The following PRMT3 variants were observed in gnomAD, a reference collection of about 807,000 sequenced individuals.
PRMT3 encodes the protein protein arginine N-methyltransferase 3.
PRMT3 carries 62 observed loss-of-function variants against 71.9 expected under a neutral mutation model. The observed-to-expected ratio is 0.86, with a 90% CI of 0.70 to 1.07. The LOEUF (loss-of-function observed/expected upper bound fraction) is 1.07, where lower values mean the gene tolerates loss of function less well. Ranked by LOEUF, PRMT3 falls within the 50% of genes least tolerant of loss-of-function variation. PRMT3 has a pLI of 0.00. For missense variants in PRMT3, 663 were observed against 643.0 expected (o/e 1.03, Z -0.34); for synonymous variants, 213 against 220.4 (o/e 0.97, Z 0.30).
chr11:20,416,639 G>T (rs1190749643), intron 9 of PRMT3, among the ~76,000 whole-genome samples: 1 of 152,074 alleles, frequency 6.6e-6, no homozygotes, highest in Non-Finnish European at 1.5e-5. Flanking sequence ...GATTCCAGAT[G>T]ACTATTTTTA....
intron 13 of PRMT3, among the ~76,000 whole-genome samples, chr11:20,487,809 T>C (rs1211146475): frequency 6.6e-6 from 1 of 152,228 alleles, no homozygotes. Flanking sequence ...TTACAGACTC[T>C]GAAGATGATT....
Position 20,395,840 on chromosome 11 carries a change from C to T in PRMT3, c.438C>T (p.Phe146=). The T allele has an allele frequency of 6.2e-7, 1 of 1,613,880 alleles. No homozygotes were observed. Among genetic ancestry groups the T allele is most frequent in the Admixed American group, 1.7e-5 (1 of 60,004 alleles). ...EDLYEPVSVP[F]SYPNGLSENT... ...TTTATGAACCGGTGTCAGTACCCTT[C>T]TCATACCCCAATGGACTCAGTGAAA... The change falls in exon 6 of 16, where the codon TTC becomes TTT. Residue 146 remains phenylalanine, a synonymous_variant. Coordinates refer to ENST00000331079, the MANE Select transcript of PRMT3 (RefSeq NM_005788.4).
chr11:20,505,069 A>G (rs377188339), intron 15 of PRMT3, among the ~76,000 whole-genome samples: 5 of 152,176 alleles, frequency 3.3e-5, no homozygotes, highest in East Asian at 3.9e-4. Flanking sequence ...GTAGTATTAT[A>G]TAAATTCTTC....
At chr11:20,389,668 AG>A in intron 2 of PRMT3, 75 bp from the exon 3 acceptor site, 2 of 846,288 alleles carry the variant, frequency 2.4e-6, no homozygotes, top group Non-Finnish European at 3.6e-6. Context: ...AAAAAAAAAA[AG>A]TGTATATGTA....
intron 7 of PRMT3, among the ~76,000 whole-genome samples, chr11:20,399,824 C>T (rs1848910632): frequency 6.6e-6 from 1 of 152,156 alleles, no homozygotes. Context: ...TAACTCCTTT[C>T]AATGTACATA....
At chr11:20,496,259 AAAC>A (rs1851329460) in intron 15 of PRMT3, among the ~76,000 whole-genome samples, 1 of 152,122 alleles carries the variant, frequency 6.6e-6, no homozygotes. Context: ...TTTCTATCAA[AAAC>A]AACATTGAAG....
At chr11:20,451,111 G>A (rs746088490) in intron 10 of PRMT3, among the ~76,000 whole-genome samples, 1 of 152,098 alleles carries the variant, frequency 6.6e-6, no homozygotes, top group African/African-American at 2.4e-5. Flanking sequence ...AAACTGTGAA[G>A]CACAGTATTG....
rs1850391827 is a variant in PRMT3, at chr11:20,461,913, T to C, written c.1073-67T>C. 5.2e-6 allele frequency: 7 copies of C among 1,334,772 alleles called. No homozygotes were observed. In the South Asian group the frequency reaches 1.4e-4, roughly 27 times the overall value. 82.7% of individuals were successfully genotyped at this position (1,334,772 alleles called of 1,614,324 possible). A position where few individuals can be genotyped will look rare whatever the true frequency, so the allele number is the denominator to read the frequency against. On this transcript the variant is annotated intron_variant, in intron 11 of 15. Transcript: ENST00000331079. ...ATGGATTTGATATTTATATTTAGGC[T>C]TTAAAAAATTATATTCCATAAGAAA... is the stretch of plus-strand genomic sequence containing the variant.
At chr11:20,403,293 T>C (rs545436432) in intron 8 of PRMT3, among the ~76,000 whole-genome samples, 3 of 152,346 alleles carry the variant, frequency 2.0e-5, no homozygotes, top group East Asian at 3.9e-4. Flanking sequence ...TTTACAGTTA[T>C]TCCCATGAAT....
At chr11:20,454,914 C>T (rs1850234169) in intron 11 of PRMT3, among the ~76,000 whole-genome samples, 1 of 152,078 alleles carries the variant, frequency 6.6e-6, no homozygotes, top group African/African-American at 2.4e-5. Context: ...GGATGTTCAT[C>T]TACCCCATTA....
At chr11:20,484,031 A>G (rs1851011233) in intron 13 of PRMT3, among the ~76,000 whole-genome samples, 1 of 152,212 alleles carries the variant, frequency 6.6e-6, no homozygotes, top group Admixed American at 6.5e-5. Flanking sequence ...ATATCTCTTT[A>G]TCATTTAACA....
In PRMT3 at chr11:20,426,678, C is replaced by G. The variant is rs1026807392; in HGVS notation, c.894-88C>G. 3 of 1,252,302 alleles carry G rather than the reference C, an allele frequency of 2.4e-6. No homozygotes were observed. The African/African-American group carries it at 4.7e-5, about 20-fold the overall frequency. The allele number at this position is 1,252,302 out of a possible 1,614,324, so 77.6% of individuals were successfully genotyped here. ...TGAAATACTTTTTTGTCCCACAAAA[C>G]AATACGAGTTGTTGGCAAAAAATTA... On this transcript the variant is annotated intron_variant, in intron 9 of 15. Transcript: ENST00000331079.
In PRMT3 at chr11:20,462,095, A is replaced by G. The variant is rs1231223666; in HGVS notation, c.1188A>G (p.Lys396=). ...GCTTCAAGATGTCCTGCATGAAGAA[A>G]GCAGTTATTCCAGAAGCTGTTGTGG... ...VYGFKMSCMK[K]AVIPEAVVEV... Residue 396 remains lysine (K), a synonymous_variant, in exon 12 of 16, where the codon AAA becomes AAG. Coordinates refer to ENST00000331079, the MANE Select transcript of PRMT3 (RefSeq NM_005788.4). The G allele has an allele frequency of 9.9e-6, 16 of 1,613,166 alleles. No individual in the cohort carries two copies. The highest frequency in any genetic ancestry group is 1.3e-5 in the African/African-American group (1 of 74,916).
rs747438532 is a variant in PRMT3, at chr11:20,396,036, T to G, written c.560+74T>G. 3 of 1,347,926 alleles carry G rather than the reference T, an allele frequency of 2.2e-6. No homozygotes were observed. In the African/African-American group the frequency reaches 4.4e-5, roughly 20 times the overall value. 83.5% of individuals were successfully genotyped at this position (1,347,926 alleles called of 1,614,324 possible). Reference sequence around the variant, plus strand: ...TACAACCTAATGGCAAAGTAGAATATAGTAGAACATTTCATATACTGGAAA... The same window carrying G: ...TACAACCTAATGGCAAAGTAGAATAGAGTAGAACATTTCATATACTGGAAA... On this transcript the variant is annotated intron_variant, in intron 6 of 15. Transcript: ENST00000331079.
At position 20,392,955 on chromosome 11, in the gene PRMT3, AG is replaced by A. The variant is rs1233567391; in HGVS notation, c.357del (p.Glu119AspfsTer3). 1 of 1,606,654 alleles carries A rather than the reference AG, an allele frequency of 6.2e-7. No individual in the cohort carries two copies. The highest frequency in any genetic ancestry group is 1.3e-5 in the African/African-American group (1 of 74,756). On this transcript the variant is annotated frameshift_variant, in exon 5 of 16. Coordinates refer to ENST00000331079, the MANE Select transcript of PRMT3 (RefSeq NM_005788.4). LOFTEE classifies it high-confidence loss of function. ...AACCCAGTGCCTTGGGAGAAAGAAG[AG>A]TATTTGAAGCCAGTATTAGAAGATG... ...IYNPVPWEKE[E>X]YLKPVLEDDL...
chr11:20,475,652 CTTTTT>C (rs59969495), intron 13 of PRMT3, among the ~76,000 whole-genome samples: 16 of 100,528 alleles, frequency 1.6e-4, no homozygotes, highest in Non-Finnish European at 2.7e-4. Context: ...TACTTAATGT[CTTTTT>C]TTTTTTTTTT....
chr11:20,452,116 CT>C lies in PRMT3; in HGVS notation c.994-7del. The C allele has an allele frequency of 8.3e-6, 13 of 1,573,364 alleles. No individual in the cohort carries two copies. Among genetic ancestry groups the C allele is most frequent in the African/African-American group, 1.4e-5 (1 of 73,906 alleles). On this transcript the variant is annotated splice_polypyrimidine_tract_variant and intron_variant, in intron 10 of 15. Transcript: ENST00000331079. ...CACATTTCTAAACTCTTTTTTTCCC[CT>C]TTTTTTATGCAGGGCTATTTTCTTC...
intron 10 of PRMT3, among the ~76,000 whole-genome samples, chr11:20,442,315 G>C (rs1849927162): frequency 1.3e-5 from 2 of 150,844 alleles, no homozygotes; most frequent in Admixed American, 1.3e-4. Context: ...ATTTTGGGGA[G>C]GATTGCTTCT....
At chr11:20,389,060 C>A (rs1340544727) in intron 2 of PRMT3, among the ~76,000 whole-genome samples, 10 of 152,076 alleles carry the variant, frequency 6.6e-5, no homozygotes. Flanking sequence ...GCTGTGATAG[C>A]CTCCATAAAT....
Sources: allele counts gnomAD v4.1 joint callset (sites outside exome capture counted in the v4.1 genomes callset), GRCh38; gene constraint gnomAD v4.1.1; transcripts MANE v1.5; gene names NCBI Gene and HGNC (gene_info 2026-07-23, HGNC 2026-07-21).